Variants in MS4A10 observed in about 807,000 individuals in gnomAD.
MS4A10 encodes the protein membrane-spanning 4-domains subfamily A member 10.
Under a neutral mutation model 27.7 loss-of-function variants are expected in MS4A10, and 27 were observed. The ratio of observed to expected loss-of-function variants is 0.98; its 90% CI spans 0.72 to 1.35. The LOEUF is 1.35. Among genes scored for constraint, MS4A10 ranks in the 40% most tolerant of loss-of-function variants. The probability of loss-of-function intolerance (pLI) is 0.00; values close to 1 mark genes in which losing one functional copy is unlikely to be tolerated. For synonymous variants in MS4A10, 139 were observed against 131.2 expected (o/e 1.06, Z -0.41); for missense variants, 338 against 324.7 (o/e 1.04, Z -0.32).
intron 4 of MS4A10, among the ~76,000 whole-genome samples, chr11:60,792,686 G>A (rs1854451808): frequency 6.6e-6 from 1 of 152,222 alleles, no homozygotes. Context: ...GCCTCCAGCT[G>A]GATTTGCATC....
intron 6 of MS4A10, among the ~76,000 whole-genome samples, chr11:60,797,312 A>G (rs769811951): frequency 6.6e-6 from 1 of 152,098 alleles, no homozygotes; most frequent in Non-Finnish European, 1.5e-5. Flanking sequence ...TTCATTTTCT[A>G]TTGATGTTGT....
chr11:60,793,330 G>T (rs1218764404), intron 4 of MS4A10, among the ~76,000 whole-genome samples: 1 of 152,200 alleles, frequency 6.6e-6, no homozygotes, highest in African/African-American at 2.4e-5. Flanking sequence ...GTATACCTGA[G>T]CATAAGGACA....
At chr11:60,789,228 C>T (rs1330640120) in intron 1 of MS4A10, among the ~76,000 whole-genome samples, 2 of 152,206 alleles carry the variant, frequency 1.3e-5, no homozygotes, top group African/African-American at 4.8e-5. Flanking sequence ...AGGATACAGT[C>T]TGAGAGCAGC....
chr11:60,790,117 T>A lies in MS4A10; in HGVS notation c.-22-197T>A, dbSNP rs191164080. 2.0e-5 allele frequency among the ~76,000 whole-genome samples: 3 copies of A among 152,286 alleles called. No homozygotes were observed. The East Asian group carries it at 5.8e-4, about 29-fold the overall frequency. On this transcript the variant is annotated intron_variant, in intron 1 of 7. Coordinates refer to ENST00000308287, the MANE Select transcript of MS4A10 (RefSeq NM_206893.4). ...TGTCTTTGCAACCCCAGAAAGGCTG[T>A]GAGCAGCAATTACTCCCATCTCCAG...
intron 5 of MS4A10, 60 bp downstream of exon 5, chr11:60,794,163 C>G: frequency 6.2e-7 from 1 of 1,601,274 alleles, no homozygotes; most frequent in African/African-American, 1.3e-5. Flanking sequence ...TTGGATTTGG[C>G]CAACAGGAGG....
At chr11:60,794,578 A>T (rs924962943) in intron 5 of MS4A10, among the ~76,000 whole-genome samples, 1 of 152,214 alleles carries the variant, frequency 6.6e-6, no homozygotes, top group African/African-American at 2.4e-5. Context: ...TTTGACTCCA[A>T]GCCTGGTGCT....
At chr11:60,798,889 A>G (rs6591625) in intron 7 of MS4A10, among the ~76,000 whole-genome samples, 98,632 of 152,116 alleles carry the variant, frequency 0.65, 33,867 homozygotes, top group East Asian at 0.92. Context: ...TCTCTGATCA[A>G]TGGTGGATGC....
Position 60,792,283 on chromosome 11 carries a change from T to C in MS4A10, c.322T>C (p.Leu108=). The C allele has an allele frequency of 6.2e-7, 1 of 1,613,810 alleles. No homozygotes were observed. Residue 108 remains leucine, a synonymous_variant, in exon 4 of 8, where the codon TTG becomes CTG. Transcript: ENST00000308287. ...GAASFLISGI[L]AITMKTFSKT... The stretch of plus-strand genomic sequence containing the variant: ...CCTGCAGTTTCTCATTTCAGGGATC[T>C]TGGCGATAACAATGAAGACCTTTTC...
intron 1 of MS4A10, among the ~76,000 whole-genome samples, chr11:60,787,728 C>A (rs1378219974): frequency 1.3e-5 from 2 of 152,124 alleles, no homozygotes; most frequent in African/African-American, 4.8e-5. Context: ...AAAAAAGATC[C>A]TATGGCCAGC....
Position 60,790,451 on chromosome 11 carries a change from C to A in MS4A10, c.116C>A (p.Pro39His). 6.2e-7 allele frequency: 1 copy of A among 1,614,182 alleles called. No homozygotes were observed. Among genetic ancestry groups the A allele is most frequent in the Non-Finnish European group, 8.5e-7 (1 of 1,180,040 alleles). Reference sequence around the variant, plus strand: ...AGTGCACCCCAGAACACGACCCAGCCCAAGCTCCTGGCTCCACACCAGCAC... The same window carrying A: ...AGTGCACCCCAGAACACGACCCAGCACAAGCTCCTGGCTCCACACCAGCAC... ...QTSAPQNTTQ[P>H]KLLAPHQHEK... is the part of the protein sequence containing the mutation. The change falls in exon 2 of 8, where the codon CCC becomes CAC. Residue 39 changes from proline to histidine, a missense_variant. Transcript: ENST00000308287.
Position 60,798,408 on chromosome 11 carries a change from T to C in MS4A10, c.616T>C (p.Cys206Arg). ...TTTTCTTTCGCAGAATGATGATGCA[T>C]GCCTTGTTCCGAATACACCATTGCA... is the stretch of plus-strand genomic sequence containing the variant. ...DCPSAKNDDA[C>R]LVPNTPLHLK... is the part of the protein sequence containing the mutation. Residue 206 changes from cysteine to arginine, a missense_variant, in exon 7 of 8, where the codon TGC (cysteine) becomes CGC (arginine). Coordinates refer to ENST00000308287, the MANE Select transcript of MS4A10 (RefSeq NM_206893.4). 6.2e-7 allele frequency: 1 copy of C among 1,613,824 alleles called. No individual in the cohort carries two copies.
At chr11:60,786,923 G>A (rs1291834763) in intron 1 of MS4A10, among the ~76,000 whole-genome samples, 1 of 152,316 alleles carries the variant, frequency 6.6e-6, no homozygotes, top group East Asian at 1.9e-4. Context: ...ACCGGCCCAA[G>A]GTCAAAGCTC....
chr11:60,791,704 C>T (rs557062888), intron 3 of MS4A10, among the ~76,000 whole-genome samples: 43 of 152,362 alleles, frequency 2.8e-4, no homozygotes, highest in Non-Finnish European at 5.6e-4. Flanking sequence ...CACATCAGTC[C>T]ACTGTTCTCA....
chr11:60,792,502 A>C lies in MS4A10; in HGVS notation c.360+181A>C, dbSNP rs1044952099. ...GGTCCAGATGCAGACAGGCTGACAG[A>C]CTTGGCTGTGGGAGGAAAGGAAGCA... On this transcript the variant is annotated intron_variant, in intron 4 of 7. Coordinates refer to ENST00000308287, the MANE Select transcript of MS4A10 (RefSeq NM_206893.4). Among the ~76,000 whole-genome samples, 3 of 152,112 alleles carry C rather than the reference A, an allele frequency of 2.0e-5. No individual in the cohort carries two copies. The South Asian group carries it at 6.2e-4, about 32-fold the overall frequency.
At chr11:60,787,235 G>A (rs1854355509) in intron 1 of MS4A10, among the ~76,000 whole-genome samples, 1 of 152,154 alleles carries the variant, frequency 6.6e-6, no homozygotes, top group African/African-American at 2.4e-5. Context: ...GGCGGGGAAA[G>A]GCTAAAAAAG....
chr11:60,791,985 G>T (rs1854438735), intron 3 of MS4A10, among the ~76,000 whole-genome samples: 1 of 152,178 alleles, frequency 6.6e-6, no homozygotes, highest in Non-Finnish European at 1.5e-5. Flanking sequence ...GAAGCAGGAG[G>T]GTCTAGGAGG....
intron 7 of MS4A10, 31 bp downstream of exon 7, chr11:60,798,545 C>T: frequency 6.5e-7 from 1 of 1,547,524 alleles, no homozygotes; most frequent in South Asian, 1.1e-5. Context: ...CTCCCCAGAC[C>T]TTCAGAACCC....
intron 1 of MS4A10, among the ~76,000 whole-genome samples, chr11:60,785,914 T>C (rs753441895): frequency 7.9e-5 from 12 of 152,132 alleles, no homozygotes; most frequent in Non-Finnish European, 1.6e-4. Flanking sequence ...CGGAGGCCTC[T>C]GTTTCCTGCA....
chr11:60,798,817 C>A (rs1854577725), intron 7 of MS4A10, among the ~76,000 whole-genome samples: 1 of 152,228 alleles, frequency 6.6e-6, no homozygotes, highest in African/African-American at 2.4e-5. Flanking sequence ...GCCTCCAGAG[C>A]AAACCCCTGG....
Sources: gnomAD v4.1 joint callset for allele counts (sites outside exome capture counted in the v4.1 genomes callset) on GRCh38, gnomAD v4.1.1 for gene constraint, MANE v1.5 for transcripts, NCBI Gene and HGNC (gene_info 2026-07-23, HGNC 2026-07-21) for gene names.